Variants in MRPL1 observed in about 807,000 individuals in gnomAD.
MRPL1 encodes the protein mitochondrial ribosomal protein L1.
In MRPL1, 28 loss-of-function variants were observed where a neutral mutation model predicts 38.0. That is an observed-to-expected ratio of 0.74 (90% CI 0.55 to 1.01). The LOEUF (loss-of-function observed/expected upper bound fraction) is 1.01, where lower values mean the gene tolerates loss of function less well. Among genes scored for constraint, MRPL1 ranks in the 50% least tolerant of loss-of-function variants. MRPL1 has a pLI of 0.00. For synonymous variants in MRPL1, 123 were observed against 126.7 expected (o/e 0.97, Z 0.20); for missense variants, 358 against 389.8 (o/e 0.92, Z 0.69).
At chr4:77,925,129 T>A (rs1051954422) in intron 7 of MRPL1, among the ~76,000 whole-genome samples, 3 of 152,198 alleles carry the variant, frequency 2.0e-5, no homozygotes, top group Non-Finnish European at 2.9e-5. Flanking sequence ...GTGAATTTTC[T>A]AAACCACTTG....
intron 7 of MRPL1, among the ~76,000 whole-genome samples, chr4:77,933,754 C>T (rs973826624): frequency 1.3e-5 from 2 of 152,210 alleles, no homozygotes; most frequent in East Asian, 3.8e-4. Context: ...CTGCAACTCT[C>T]ATACATTTCA....
chr4:77,942,273 A>G (rs1431825828), intron 7 of MRPL1, among the ~76,000 whole-genome samples: 1 of 152,122 alleles, frequency 6.6e-6, no homozygotes, highest in Non-Finnish European at 1.5e-5. Flanking sequence ...GACTTGTTTT[A>G]TGGCCTATCC....
chr4:77,896,938 C>T (rs1735929109), intron 6 of MRPL1, among the ~76,000 whole-genome samples: 2 of 151,964 alleles, frequency 1.3e-5, no homozygotes, highest in Admixed American at 1.3e-4. Flanking sequence ...CGTCTGGCTT[C>T]CTCCCCAATA....
intron 6 of MRPL1, among the ~76,000 whole-genome samples, chr4:77,902,543 T>C (rs367983736): frequency 6.6e-6 from 1 of 151,702 alleles, no homozygotes; most frequent in African/African-American, 2.4e-5. Context: ...GTCACTGATA[T>C]AGAAAAAGAA....
chr4:77,934,148 G>A (rs183604858), intron 7 of MRPL1, among the ~76,000 whole-genome samples: 4 of 152,318 alleles, frequency 2.6e-5, no homozygotes, highest in Admixed American at 2.0e-4. Context: ...GTCTGAAATT[G>A]TTACTTACTG....
intron 6 of MRPL1, among the ~76,000 whole-genome samples, chr4:77,907,479 TCTCCCTCCCTCC>T (rs987722775): frequency 7.0e-6 from 1 of 143,600 alleles, no homozygotes; most frequent in Non-Finnish European, 1.5e-5. Flanking sequence ...TCTCTCTCTC[TCTCCCTCCCTCC>T]CTCCCTCCGT....
intron 7 of MRPL1, among the ~76,000 whole-genome samples, chr4:77,948,823 T>C (rs1473385044): frequency 6.6e-6 from 1 of 150,702 alleles, no homozygotes; most frequent in East Asian, 2.0e-4. Flanking sequence ...CAGGCTGGAG[T>C]GCAGTGGCAC....
At chr4:77,891,249 A>G (rs1383810148) in intron 5 of MRPL1, among the ~76,000 whole-genome samples, 5 of 151,400 alleles carry the variant, frequency 3.3e-5, no homozygotes, top group Non-Finnish European at 7.4e-5. Flanking sequence ...GAATCAGAGA[A>G]CTAATCTTGA....
chr4:77,868,153 C>T (rs932843082), intron 1 of MRPL1, among the ~76,000 whole-genome samples: 3 of 152,086 alleles, frequency 2.0e-5, no homozygotes, highest in African/African-American at 7.2e-5. Flanking sequence ...ACCTCTGCTT[C>T]CCAGCTTCAA....
chr4:77,895,687 A>T (rs1351112329), intron 6 of MRPL1, among the ~76,000 whole-genome samples: 1 of 152,148 alleles, frequency 6.6e-6, no homozygotes, highest in Non-Finnish European at 1.5e-5. Flanking sequence ...CTAGATCATG[A>T]CCTGTAAATT....
In MRPL1 at chr4:77,938,344, A is replaced by G. The variant is rs539556046; in HGVS notation, c.778-11453A>G. 9.2e-5 allele frequency among the ~76,000 whole-genome samples: 14 copies of G among 152,340 alleles called. No homozygotes were observed. In the East Asian group the frequency reaches 2.3e-3, roughly 25 times the overall value. ...GAATTCTTTCTAAAACATAGATCAG[A>G]TATACCATTTATCTGCTTAGAAACA... On this transcript the variant is annotated intron_variant, in intron 7 of 8. Transcript: ENST00000315567.
intron 7 of MRPL1, among the ~76,000 whole-genome samples, chr4:77,923,415 G>A (rs1736626120): frequency 1.3e-5 from 2 of 151,940 alleles, no homozygotes; most frequent in Admixed American, 1.3e-4. Flanking sequence ...CCTTTTAATT[G>A]TGGATATACA....
At chr4:77,872,002 A>ATTATTAG in intron 2 of MRPL1, 147 bp downstream of exon 2, 1 of 616,060 alleles carries the variant, frequency 1.6e-6, no homozygotes, top group Non-Finnish European at 2.8e-6. Flanking sequence ...CCTGAAGGAA[A>ATTATTAG]GATAAGACAT....
rs1050303935 is a variant in MRPL1 at position 77,931,068 on chromosome 4, C to T, written c.778-18729C>T. Among the ~76,000 whole-genome samples the T allele has an allele frequency of 5.3e-5, 8 of 152,222 alleles. No individual in the cohort carries two copies. The East Asian group carries it at 7.7e-4, about 15-fold the overall frequency. ...TGTTGCAATGGGTGATTCACATTCT[C>T]CAAGCCCACTTTGTATAATATGTGG... On this transcript the variant is annotated intron_variant, in intron 7 of 8. Coordinates refer to ENST00000315567, the MANE Select transcript of MRPL1 (RefSeq NM_020236.4).
At chr4:77,950,579 T>A (rs1181695506) in intron 8 of MRPL1, among the ~76,000 whole-genome samples, 3 of 152,252 alleles carry the variant, frequency 2.0e-5, no homozygotes, top group Non-Finnish European at 2.9e-5. Flanking sequence ...ACCAAGTTTA[T>A]AATTAAAACA....
intron 7 of MRPL1, among the ~76,000 whole-genome samples, chr4:77,934,971 A>G (rs921113196): frequency 1.3e-5 from 2 of 152,220 alleles, no homozygotes; most frequent in Non-Finnish European, 1.5e-5. Flanking sequence ...GGTACCTATA[A>G]CAGTGAAATT....
In MRPL1 at chr4:77,878,979, G is replaced by C. The variant is rs79572284; in HGVS notation, c.144-4263G>C. Among the ~76,000 whole-genome samples, 905 of 152,338 alleles carry C rather than the reference G, an allele frequency of 5.9e-3. 9 individuals are homozygous for C. Among genetic ancestry groups the C allele is most frequent in the African/African-American group, 0.02 (828 of 41,576 alleles). On this transcript the variant is annotated intron_variant, in intron 2 of 8. Transcript: ENST00000315567. Reference sequence around the variant, plus strand: ...GGGGAAAAGTTATTGCTTTTGTACAGTCTCTTATTACTCGTTTAATCTGTG... The same window carrying C: ...GGGGAAAAGTTATTGCTTTTGTACACTCTCTTATTACTCGTTTAATCTGTG...
intron 7 of MRPL1, among the ~76,000 whole-genome samples, chr4:77,935,244 C>G (rs996645578): frequency 6.6e-6 from 1 of 151,908 alleles, no homozygotes; most frequent in Admixed American, 6.6e-5. Context: ...AAGATACACC[C>G]CCCAAAATGT....
chr4:77,880,294 C>T (rs908231179), intron 2 of MRPL1, among the ~76,000 whole-genome samples: 4 of 152,170 alleles, frequency 2.6e-5, no homozygotes, highest in African/African-American at 9.7e-5. Flanking sequence ...TTCTTTAGCT[C>T]ATGGCCCTCA....
Sources: gnomAD v4.1 joint callset for allele counts (sites outside exome capture counted in the v4.1 genomes callset) on GRCh38, gnomAD v4.1.1 for gene constraint, MANE v1.5 for transcripts, NCBI Gene and HGNC (gene_info 2026-07-23, HGNC 2026-07-21) for gene names.